The following CALN1 variants were observed in gnomAD, a reference collection of about 807,000 sequenced individuals.
CALN1 encodes calcium-binding protein 8.
In CALN1, 17 loss-of-function variants were observed where a neutral mutation model predicts 30.6. The observed-to-expected ratio is 0.56, with a 90% CI of 0.38 to 0.83. The LOEUF (loss-of-function observed/expected upper bound fraction) is 0.83, where lower values mean the gene tolerates loss of function less well. Among genes scored for constraint, CALN1 ranks in the 40% least tolerant of loss-of-function variants. The pLI, the probability that CALN1 is intolerant of heterozygous loss-of-function variation, is 0.00. For missense variants in CALN1, 291 were observed against 354.9 expected (o/e 0.82, Z 1.45); for synonymous variants, 156 against 131.4 (o/e 1.19, Z -1.28).
the CALN1 span, among the ~76,000 whole-genome samples, chr7:72,482,552 T>C: frequency 6.6e-6 from 1 of 152,224 alleles, no homozygotes; most frequent in Non-Finnish European, 1.5e-5. Flanking sequence ...GGTTATAGAA[T>C]ATTTCTTTAT....
chr7:72,312,394 GAAA>G lies in CALN1; in HGVS notation c.120-33587_120-33585del, dbSNP rs768174448. The stretch of plus-strand genomic sequence containing the variant: ...GACAACAGAGTGAGACTTCATCTCA[GAAA>G]AAAAAAAAAAAAAAAAAAGTAAGTC... On this transcript the variant is annotated intron_variant, in intron 2 of 6. Transcript: ENST00000395275. Among the ~76,000 whole-genome samples the G allele has an allele frequency of 7.0e-5, 5 of 71,828 alleles. No individual in the cohort carries two copies. In the South Asian group the frequency reaches 1.9e-3, roughly 27 times the overall value. 47.1% of individuals were successfully genotyped at this position (71,828 alleles called of 152,430 possible). A position where few individuals can be genotyped will look rare whatever the true frequency, so the allele number is the denominator to read the frequency against.
chr7:72,487,890 AAAAGAAAGAAAGAAAG>A, the CALN1 span, among the ~76,000 whole-genome samples: 163 of 60,276 alleles, frequency 2.7e-3, 1 homozygote, highest in Admixed American at 8.0e-3. Context: ...GAAAGAAAAG[AAAAGAAAGAAAGAAAG>A]AAAGAAAGAA....
At chr7:72,320,225 G>C (rs958572536) in intron 2 of CALN1, among the ~76,000 whole-genome samples, 7 of 152,198 alleles carry the variant, frequency 4.6e-5, no homozygotes, top group Non-Finnish European at 8.8e-5. Flanking sequence ...ATCAAGCCAA[G>C]CTGCTGACCA....
chr7:71,809,468 A>AAAAAAAG (rs1787809562), intron 6 of CALN1, among the ~76,000 whole-genome samples: 1 of 151,080 alleles, frequency 6.6e-6, no homozygotes, highest in African/African-American at 2.4e-5. Flanking sequence ...AATGTTCAAA[A>AAAAAAAG]AAAAAAAAAA....
chr7:72,019,006 T>G (rs1051644289), intron 5 of CALN1, among the ~76,000 whole-genome samples: 1 of 148,692 alleles, frequency 6.7e-6, no homozygotes, highest in Non-Finnish European at 1.5e-5. Flanking sequence ...CCAGCTAATT[T>G]TTTTTTTTTG....
At chr7:72,356,503 C>CA (rs1235354663) in intron 2 of CALN1, among the ~76,000 whole-genome samples, 4 of 151,842 alleles carry the variant, frequency 2.6e-5, no homozygotes, top group African/African-American at 9.7e-5. Context: ...GTCAAGGATA[C>CA]ACACTGCGGT....
At chr7:71,956,344 T>G (rs978711562) in intron 5 of CALN1, among the ~76,000 whole-genome samples, 11 of 151,832 alleles carry the variant, frequency 7.2e-5, no homozygotes, top group African/African-American at 2.7e-4. Flanking sequence ...ATGAGTAGGA[T>G]GATTGAGGGC....
chr7:72,382,624 C>T (rs1006820316), intron 2 of CALN1, among the ~76,000 whole-genome samples: 6 of 152,172 alleles, frequency 3.9e-5, no homozygotes, highest in African/African-American at 1.4e-4. Context: ...CTCCCTTTCT[C>T]CTCTAGTAGT....
At chr7:72,434,749 A>G (rs903388873) in intron 1 of CALN1, among the ~76,000 whole-genome samples, 4 of 152,220 alleles carry the variant, frequency 2.6e-5, no homozygotes, top group African/African-American at 9.6e-5. Context: ...CCTGTCTCTG[A>G]AAACGAGTAA....
chr7:72,316,939 CCT>C (rs1491285345), intron 2 of CALN1, among the ~76,000 whole-genome samples: 1 of 145,892 alleles, frequency 6.9e-6, no homozygotes, highest in Non-Finnish European at 1.5e-5. Flanking sequence ...AGCAAGACTG[CCT>C]CTCAAAAGAA....
chr7:71,985,304 CATAAGGTATTGATGAGATTG>C (rs1247208209), intron 5 of CALN1, among the ~76,000 whole-genome samples: 2 of 152,132 alleles, frequency 1.3e-5, no homozygotes, highest in Non-Finnish European at 2.9e-5. Context: ...TGGGAGCTTT[CATAAGGTATTGATGAGATTG>C]TGCATTGAAA....
At chr7:71,842,013 A>G (rs1451466920) in intron 5 of CALN1, among the ~76,000 whole-genome samples, 1 of 152,066 alleles carries the variant, frequency 6.6e-6, no homozygotes, top group Non-Finnish European at 1.5e-5. Flanking sequence ...AGAAAAAAAA[A>G]AAAGACAAAA....
At chr7:71,792,846 C>T (rs1786653006) in intron 6 of CALN1, among the ~76,000 whole-genome samples, 1 of 151,906 alleles carries the variant, frequency 6.6e-6, no homozygotes, top group Non-Finnish European at 1.5e-5. Flanking sequence ...TTTGCTGAAG[C>T]TCTTCTTCGT....
intron 5 of CALN1, among the ~76,000 whole-genome samples, chr7:71,840,321 CA>C (rs937945997): frequency 6.6e-6 from 1 of 151,650 alleles, no homozygotes; most frequent in African/African-American, 2.4e-5. Flanking sequence ...CCCGTCTCCA[CA>C]AAAAATTTAA....
At chr7:72,401,529 A>G (rs1806343765) in intron 2 of CALN1, among the ~76,000 whole-genome samples, 1 of 152,220 alleles carries the variant, frequency 6.6e-6, no homozygotes, top group Admixed American at 6.5e-5. Flanking sequence ...CAGAAGGTGT[A>G]GAGACCCTTA....
At chr7:71,836,639 T>TTC (rs1407455050) in intron 5 of CALN1, among the ~76,000 whole-genome samples, 1 of 150,904 alleles carries the variant, frequency 6.6e-6, no homozygotes, top group Non-Finnish European at 1.5e-5. Flanking sequence ...TTTTTTTTTT[T>TTC]CTGAGACAGA....
chr7:72,452,189 G>C, the CALN1 span, among the ~76,000 whole-genome samples: 1 of 152,096 alleles, frequency 6.6e-6, no homozygotes, highest in African/African-American at 2.4e-5. Flanking sequence ...GATGGGGGAG[G>C]TTATTAGAGA....
At chr7:72,244,054 G>C (rs372928353) in intron 3 of CALN1, among the ~76,000 whole-genome samples, 5 of 152,314 alleles carry the variant, frequency 3.3e-5, no homozygotes, top group East Asian at 3.9e-4. Context: ...TCTGAAGGCT[G>C]AATCTCCTTG....
intron 3 of CALN1, among the ~76,000 whole-genome samples, chr7:72,148,919 A>G (rs1220841578): frequency 6.7e-6 from 1 of 148,306 alleles, no homozygotes; most frequent in Non-Finnish European, 1.5e-5. Context: ...AAAAAAAGAA[A>G]GAAAGAAAGA....
Sources: allele counts gnomAD v4.1 joint callset (sites outside exome capture counted in the v4.1 genomes callset), GRCh38; gene constraint gnomAD v4.1.1; transcripts MANE v1.5; gene names NCBI Gene and HGNC (gene_info 2026-07-23, HGNC 2026-07-21).